The following TNRC6A variants were observed in gnomAD, a reference collection of about 807,000 sequenced individuals.
TNRC6A encodes trinucleotide repeat-containing gene 6A protein.
In TNRC6A, 44 loss-of-function variants were observed where a neutral mutation model predicts 221.2. The observed-to-expected ratio is 0.20, with a 90% CI of 0.16 to 0.26. The LOEUF (loss-of-function observed/expected upper bound fraction) is 0.26, where lower values mean the gene tolerates loss of function less well. Among genes scored for constraint, TNRC6A ranks in the 10% least tolerant of loss-of-function variants. TNRC6A has a pLI of 1.00. For synonymous variants in TNRC6A, 847 were observed against 838.5 expected (o/e 1.01, Z -0.18); for missense variants, 2,199 against 2,404.4 (o/e 0.91, Z 1.79).
chr16:24,815,219 C>T lies in TNRC6A; in HGVS notation c.4745C>T (p.Ser1582Leu). ...TATGACTTTATGAACAGCAGTACTT[C>T]ACCAGCCAGTCCTCCAGGTTCAATA... ...VPYDFMNSST[S>L]PASPPGSIGD... Residue 1582 changes from serine (S) to leucine (L), a missense_variant, in exon 19 of 25, where the codon TCA (serine) becomes TTA (leucine). Ser to Leu is a moderately radical substitution (Grantham distance 145, BLOSUM62 -2). Coordinates refer to ENST00000395799, the MANE Select transcript of TNRC6A (RefSeq NM_014494.4). The T allele has an allele frequency of 6.2e-7, 1 of 1,614,242 alleles. No individual in the cohort carries two copies. The highest frequency in any genetic ancestry group is 1.1e-5 in the South Asian group (1 of 91,084).
chr16:24,620,990 A>G (rs1265031118), intron 1 of TNRC6A, among the ~76,000 whole-genome samples: 2 of 149,818 alleles, frequency 1.3e-5, no homozygotes, highest in African/African-American at 4.9e-5. Context: ...AGGCTGAGGC[A>G]GGAGAATTGC....
At chr16:24,684,085 T>C (rs1164094859) in intron 2 of TNRC6A, among the ~76,000 whole-genome samples, 3 of 152,174 alleles carry the variant, frequency 2.0e-5, no homozygotes, top group African/African-American at 7.2e-5. Context: ...CCTTAATGAA[T>C]GGGTGTGACT....
intron 2 of TNRC6A, among the ~76,000 whole-genome samples, chr16:24,709,145 T>C (rs990136322): frequency 5.3e-5 from 8 of 151,910 alleles, no homozygotes; most frequent in African/African-American, 1.9e-4. Context: ...TAATTCCAGC[T>C]ACTCGGGAGG....
At position 24,818,650 on chromosome 16, in the gene TNRC6A, G is replaced by T. The variant is rs753685332; in HGVS notation, c.5030G>T (p.Arg1677Leu). Residue 1677 changes from arginine (R) to leucine (L), a missense_variant, in exon 21 of 25, where the codon CGT (arginine) becomes CTT (leucine). Physicochemically the swap from Arg to Leu is moderately radical, Grantham distance 102. Around this residue, in one of 8 missense-constraint regions of TNRC6A, gnomAD observed 449 missense variants for 579.7 expected, o/e 0.77. Transcript: ENST00000395799. ...LPSTSAWSSI[R>L]ASNYNVPLSS... is the part of the protein sequence containing the mutation. ...TCAACTAGTGCCTGGTCATCCATTC[G>T]TGCCTCCAACTACAACGTTCCCCTC... 6.2e-7 allele frequency: 1 copy of T among 1,614,070 alleles called. No homozygotes were observed. The highest frequency in any genetic ancestry group is 1.7e-5 in the Admixed American group (1 of 60,020).
At chr16:24,766,738 G>A (rs528624374) in intron 4 of TNRC6A, among the ~76,000 whole-genome samples, 57 of 144,960 alleles carry the variant, frequency 3.9e-4, no homozygotes, top group African/African-American at 1.3e-3. Context: ...GTGCAATGGC[G>A]CGATCTCAGC....
At chr16:24,721,382 G>A (rs1319534752) in intron 2 of TNRC6A, among the ~76,000 whole-genome samples, 1 of 152,110 alleles carries the variant, frequency 6.6e-6, no homozygotes, top group African/African-American at 2.4e-5. Flanking sequence ...TTAACACAAG[G>A]AAGAGGCTGG....
chr16:24,761,248 C>T (rs559278917), intron 4 of TNRC6A, among the ~76,000 whole-genome samples: 1 of 152,258 alleles, frequency 6.6e-6, no homozygotes, highest in Non-Finnish European at 1.5e-5. Context: ...AACGTAATGA[C>T]GTTCTTGAAA....
At chr16:24,684,105 TAA>T (rs2055582292) in intron 2 of TNRC6A, among the ~76,000 whole-genome samples, 1 of 152,208 alleles carries the variant, frequency 6.6e-6, no homozygotes, top group South Asian at 2.1e-4. Flanking sequence ...TGTATGTCAA[TAA>T]AACTTTATTT....
intron 2 of TNRC6A, among the ~76,000 whole-genome samples, chr16:24,666,658 A>AT (rs1167079415): frequency 3.6e-4 from 44 of 123,242 alleles, no homozygotes; most frequent in African/African-American, 1.1e-3. Context: ...AAAAAAAAAA[A>AT]AAAAAAAAAA....
At chr16:24,624,593 C>T (rs1021014204) in intron 1 of TNRC6A, among the ~76,000 whole-genome samples, 3 of 152,118 alleles carry the variant, frequency 2.0e-5, no homozygotes, top group Non-Finnish European at 2.9e-5. Context: ...ATCCTCCCAC[C>T]TCAGCCTTCC....
At chr16:24,772,833 T>C (rs2057640659) in intron 4 of TNRC6A, among the ~76,000 whole-genome samples, 1 of 152,150 alleles carries the variant, frequency 6.6e-6, no homozygotes, top group Non-Finnish European at 1.5e-5. Context: ...ATCAGGGAAA[T>C]TATCTGATCC....
chr16:24,786,312 G>GTTGTT (rs71383717), intron 5 of TNRC6A, among the ~76,000 whole-genome samples: 15 of 151,368 alleles, frequency 9.9e-5, no homozygotes, highest in East Asian at 1.9e-4. Flanking sequence ...TGTTGTTGTT[G>GTTGTT]TTGTTTTGTT....
intron 1 of TNRC6A, among the ~76,000 whole-genome samples, chr16:24,622,848 A>G (rs1379048563): frequency 6.6e-6 from 1 of 152,216 alleles, no homozygotes; most frequent in Non-Finnish European, 1.5e-5. Context: ...ATTATATTTT[A>G]CAGTTGAGTG....
chr16:24,742,787 G>T (rs2056920125), intron 2 of TNRC6A, among the ~76,000 whole-genome samples: 1 of 152,080 alleles, frequency 6.6e-6, no homozygotes, highest in African/African-American at 2.4e-5. Context: ...CCTGGGTGTG[G>T]TGGCAGGTAC....
intron 10 of TNRC6A, 47 bp downstream of exon 10, chr16:24,797,617 A>G (rs755118034): frequency 4.3e-6 from 6 of 1,393,696 alleles, no homozygotes; most frequent in Middle Eastern, 1.8e-4. Flanking sequence ...ATGGTGGTCC[A>G]TGATTTATCT....
At chr16:24,774,073 A>G (rs920219644) in intron 4 of TNRC6A, among the ~76,000 whole-genome samples, 6 of 151,996 alleles carry the variant, frequency 3.9e-5, no homozygotes, top group Non-Finnish European at 5.9e-5. Context: ...TCCATTTTCC[A>G]TGTCCGTTGA....
intron 4 of TNRC6A, among the ~76,000 whole-genome samples, chr16:24,773,896 T>C (rs1378960179): frequency 6.6e-6 from 1 of 152,152 alleles, no homozygotes; most frequent in Non-Finnish European, 1.5e-5. Flanking sequence ...TGTTTTGTTT[T>C]AGGAGTGCTT....
chr16:24,773,210 A>G (rs7204288), intron 4 of TNRC6A, among the ~76,000 whole-genome samples: 27,623 of 152,118 alleles, frequency 0.18, 2,612 homozygotes, highest in African/African-American at 0.2. Context: ...AAATAAGGCT[A>G]TGAATTTTTT....
At chr16:24,756,253 C>A (rs11862971) in intron 3 of TNRC6A, among the ~76,000 whole-genome samples, 27,200 of 152,100 alleles carry the variant, frequency 0.18, 2,545 homozygotes, top group Middle Eastern at 0.2. Flanking sequence ...AGTCAGTGGT[C>A]GGTAGCCACA....
Sources: allele counts gnomAD v4.1 joint callset (sites outside exome capture counted in the v4.1 genomes callset), GRCh38; gene constraint gnomAD v4.1.1; regional missense constraint gnomAD v4.1.1; transcripts MANE v1.5; gene names NCBI Gene and HGNC (gene_info 2026-07-23, HGNC 2026-07-21).